Variants in DMD observed in about 807,000 individuals in gnomAD.
The protein encoded by DMD is dystrophin.
In DMD, 63 loss-of-function variants were observed where a neutral mutation model predicts 330.1. The ratio of observed to expected loss-of-function variants is 0.19; its 90% CI spans 0.16 to 0.24. The LOEUF (loss-of-function observed/expected upper bound fraction) is 0.24, where lower values mean the gene tolerates loss of function less well. Among genes scored for constraint, DMD ranks in the 10% least tolerant of loss-of-function variants. The probability of loss-of-function intolerance (pLI) is 1.00; values close to 1 mark genes in which losing one functional copy is unlikely to be tolerated. For synonymous variants in DMD, 1,223 were observed against 959.8 expected (o/e 1.27, Z -5.07); for missense variants, 3,344 against 2,684.1 (o/e 1.25, Z -5.43).
intron 9 of DMD, among the ~76,000 whole-genome samples, chrX:32,664,722 G>C (rs776389134): frequency 1.8e-5 from 2 of 112,010 alleles, no homozygotes; most frequent in Non-Finnish European, 3.8e-5. Context: ...GGGTAAATTT[G>C]AATTGACTAG....
intron 44 of DMD, among the ~76,000 whole-genome samples, chrX:31,987,002 C>A (rs1210304266): frequency 8.9e-6 from 1 of 111,770 alleles, no homozygotes; most frequent in Non-Finnish European, 1.9e-5. Flanking sequence ...CTATATTTAT[C>A]TATTTATCAT....
intron 63 of DMD, among the ~76,000 whole-genome samples, chrX:31,236,891 A>G (rs1485225482): frequency 3.6e-5 from 4 of 111,991 alleles, no homozygotes; most frequent in African/African-American, 1.3e-4. Context: ...TTGACAGTCA[A>G]ATTAAGATTC....
intron 64 of DMD, among the ~76,000 whole-genome samples, chrX:31,217,657 G>C (rs2045552521): frequency 8.9e-6 from 1 of 111,935 alleles, no homozygotes; most frequent in Non-Finnish European, 1.9e-5. Flanking sequence ...TGCAGGCTTA[G>C]AAATGACAAA....
chrX:32,488,434 C>A (rs958457885), intron 20 of DMD, among the ~76,000 whole-genome samples: 1 of 111,314 alleles, frequency 9.0e-6, no homozygotes, highest in Non-Finnish European at 1.9e-5. Context: ...GCTAAATATG[C>A]GCTCTAATGT....
chrX:32,273,423 A>T (rs952776771), intron 43 of DMD, among the ~76,000 whole-genome samples: 2 of 111,202 alleles, frequency 1.8e-5, no homozygotes, highest in Admixed American at 9.6e-5. Flanking sequence ...CACTCAAAAA[A>T]AAATAAATAA....
At chrX:32,882,138 G>T (rs917302595) in intron 2 of DMD, among the ~76,000 whole-genome samples, 2 of 111,724 alleles carry the variant, frequency 1.8e-5, no homozygotes, top group Non-Finnish European at 3.8e-5. Flanking sequence ...GCAGAGGTCC[G>T]GGCCTCAGTC....
Position 31,575,595 on chromosome X carries a change from T to C in DMD, c.8217+52078A>G, listed in dbSNP as rs933189498. On this transcript the variant is annotated intron_variant, in intron 55 of 78. Transcript: ENST00000357033. Reference sequence around the variant, plus strand: ...TCCTTTGGTACTGTACCATATAATATGGAACACTAAAATCACAATAAAATG... The same window carrying C: ...TCCTTTGGTACTGTACCATATAATACGGAACACTAAAATCACAATAAAATG... Among the ~76,000 whole-genome samples, 5 of 111,793 alleles carry C rather than the reference T, an allele frequency of 4.5e-5. No individual in the cohort carries two copies. In the East Asian group the frequency reaches 1.4e-3, roughly 31 times the overall value.
chrX:33,005,150 A>G (rs73188263), intron 2 of DMD, among the ~76,000 whole-genome samples: 12,570 of 109,166 alleles, frequency 0.12, 1,439 homozygotes, highest in African/African-American at 0.35. Context: ...TAATATTTTC[A>G]ACACAATGTT....
intron 57 of DMD, among the ~76,000 whole-genome samples, chrX:31,485,748 G>A (rs1046412498): frequency 3.6e-5 from 4 of 111,917 alleles, no homozygotes; most frequent in African/African-American, 6.5e-5. Flanking sequence ...AAAAGCCCGT[G>A]CTTTTCAAAA....
At chrX:31,126,229 T>G (rs1388474440) in intron 78 of DMD, among the ~76,000 whole-genome samples, 2 of 111,697 alleles carry the variant, frequency 1.8e-5, no homozygotes, top group African/African-American at 6.5e-5. Flanking sequence ...CCCAGAAGAA[T>G]AAAAACTAAG....
chrX:33,183,022 T>C (rs766298229), intron 1 of DMD, among the ~76,000 whole-genome samples: 1 of 112,093 alleles, frequency 8.9e-6, no homozygotes, highest in Admixed American at 9.5e-5. Flanking sequence ...CTAATAAATA[T>C]GGAGATGATT....
intron 2 of DMD, among the ~76,000 whole-genome samples, chrX:32,948,702 G>T (rs2090987518): frequency 8.9e-6 from 1 of 111,761 alleles, no homozygotes; most frequent in South Asian, 3.7e-4. Flanking sequence ...AGAAGCAAGA[G>T]AAGCTAAGGT....
At position 31,444,540 on chromosome X, in the gene DMD, G is replaced by T. The variant is rs2149075446; in HGVS notation, c.9025C>A (p.Leu3009Ile). 8.3e-7 allele frequency: 1 copy of T among 1,211,886 alleles called. No individual in the cohort carries two copies. Among genetic ancestry groups the T allele is most frequent in the Non-Finnish European group, 1.1e-6 (1 of 895,478 alleles). Reference protein sequence around the residue: ...ARQLTTLGIQLSPYNLSTLED... With the variant: ...ARQLTTLGIQISPYNLSTLED... ...AGAGTGCTGAGGTTATACGGTGAGA[G>T]CTGAATGCCCAAAGTGGTAAGCTGG... is the stretch of plus-strand genomic sequence containing the variant. The change falls in exon 60 of 79, where the codon CTC becomes ATC. Residue 3009 changes from leucine (L) to isoleucine (I), a missense_variant. Leu to Ile is a conservative substitution (Grantham distance 5). Transcript: ENST00000357033.
chrX:32,769,174 C>T (rs1013672657), intron 7 of DMD, among the ~76,000 whole-genome samples: 4 of 112,283 alleles, frequency 3.6e-5, no homozygotes, highest in Non-Finnish European at 7.5e-5. Context: ...AAATACCTGC[C>T]GAGACTGGAC....
At chrX:32,772,517 C>T (rs186045492) in intron 7 of DMD, among the ~76,000 whole-genome samples, 16 of 112,242 alleles carry the variant, frequency 1.4e-4, no homozygotes, top group East Asian at 2.8e-4. Flanking sequence ...AGGAAACTGA[C>T]GAACTAATTG....
chrX:31,620,706 C>G (rs1456982577), intron 55 of DMD, among the ~76,000 whole-genome samples: 2 of 111,378 alleles, frequency 1.8e-5, no homozygotes, highest in African/African-American at 6.5e-5. Context: ...TGAGCCACCA[C>G]GCCTGGCCCA....
intron 9 of DMD, among the ~76,000 whole-genome samples, chrX:32,646,358 G>A (rs1180481375): frequency 9.0e-6 from 1 of 111,506 alleles, no homozygotes; most frequent in East Asian, 2.8e-4. Flanking sequence ...CTGAGAACAT[G>A]CTCAAGAGGG....
At chrX:31,380,786 C>T (rs753128601) in intron 60 of DMD, among the ~76,000 whole-genome samples, 138 of 110,383 alleles carry the variant, frequency 1.3e-3, no homozygotes, top group African/African-American at 3.0e-3. Context: ...GCACCCTTCA[C>T]CCCAGCCTCT....
At chrX:31,699,051 GATA>G (rs1201451776) in intron 52 of DMD, among the ~76,000 whole-genome samples, 3 of 111,719 alleles carry the variant, frequency 2.7e-5, no homozygotes, top group Non-Finnish European at 5.6e-5. Flanking sequence ...ATTATATGGG[GATA>G]ATAACAAGAA....
Sources: gnomAD v4.1 joint callset for allele counts (sites outside exome capture counted in the v4.1 genomes callset) on GRCh38, gnomAD v4.1.1 for gene constraint, MANE v1.5 for transcripts, NCBI Gene and HGNC (gene_info 2026-07-23, HGNC 2026-07-21) for gene names.